The following DYSF variants were observed in gnomAD, a reference collection of about 807,000 sequenced individuals.
The protein encoded by DYSF is dystrophy-associated fer-1-like 1.
In DYSF, 212 loss-of-function variants were observed where a neutral mutation model predicts 274.9. The ratio of observed to expected loss-of-function variants is 0.77; its 90% CI spans 0.69 to 0.86. DYSF has a LOEUF of 0.86. Ranked by LOEUF, DYSF falls within the 40% of genes least tolerant of loss-of-function variation. The pLI is 0.00. For missense variants in DYSF, 2,666 were observed against 2,783.2 expected (o/e 0.96, Z 0.95); for synonymous variants, 1,091 against 1,078.7 (o/e 1.01, Z -0.22).
intron 41 of DYSF, among the ~76,000 whole-genome samples, chr2:71,635,908 A>G (rs2094395260): frequency 1.3e-5 from 2 of 152,108 alleles, no homozygotes; most frequent in East Asian, 1.9e-4. Flanking sequence ...CAAAGAGGGA[A>G]TAGGAATTCT....
At chr2:71,500,975 A>G (rs1323772615) in intron 3 of DYSF, among the ~76,000 whole-genome samples, 1 of 152,020 alleles carries the variant, frequency 6.6e-6, no homozygotes, top group East Asian at 1.9e-4. Flanking sequence ...TGCATCCTCT[A>G]TACCTACTGT....
At position 71,520,850 on chromosome 2, in the gene DYSF, C is replaced by T. The variant is rs1420737593; in HGVS notation, c.1095C>T (p.Ala365=). 1.2e-6 allele frequency: 2 copies of T among 1,614,122 alleles called. No individual in the cohort carries two copies. The highest frequency in any genetic ancestry group is 1.1e-5 in the South Asian group (1 of 91,070). ...LSDPDDFSAG[A]RGYLKTSLCV... ...ACCCTGATGACTTCTCTGCTGGGGC[C>T]AGAGGCTACCTGAAAACAAGCCTTT... Residue 365 remains alanine, a synonymous_variant, in exon 12 of 56, where the codon GCC becomes GCT. Transcript: ENST00000410020.
chr2:71,632,265 C>T (rs950780458), intron 41 of DYSF, among the ~76,000 whole-genome samples: 4 of 152,228 alleles, frequency 2.6e-5, no homozygotes, highest in Non-Finnish European at 5.9e-5. Flanking sequence ...TATTAACCCA[C>T]CTTTTGTCTT....
chr2:71,603,216 A>G (rs1158982949), intron 36 of DYSF, among the ~76,000 whole-genome samples: 1 of 152,206 alleles, frequency 6.6e-6, no homozygotes, highest in Non-Finnish European at 1.5e-5. Context: ...AGTGAGAAAC[A>G]TGGCTTTGGC....
intron 36 of DYSF, among the ~76,000 whole-genome samples, chr2:71,603,670 G>C (rs1311128472): frequency 6.6e-6 from 1 of 152,172 alleles, no homozygotes; most frequent in Non-Finnish European, 1.5e-5. Flanking sequence ...TGAGCTCGCT[G>C]TAATTGCGCC....
chr2:71,663,024 C>CGTGT lies in DYSF; in HGVS notation c.5004-1230_5004-1227dup, dbSNP rs757887151. Among the ~76,000 whole-genome samples the CGTGT allele has an allele frequency of 2.4e-3, 350 of 148,052 alleles. 4 individuals carry two copies. The highest frequency in any genetic ancestry group is 0.019 in the Admixed American group (261 of 13,728). On this transcript the variant is annotated intron_variant, in intron 45 of 55. Transcript: ENST00000410020. ...GTGTGTGTATATTTGTGTATGTTTA[C>CGTGT]GTGTGTGTGTGTGTGTGCGCGCACG...
At chr2:71,622,130 G>GTTTTTTTTTGTTTTTTTTTTT (rs1553390367) in intron 41 of DYSF, among the ~76,000 whole-genome samples, 5 of 97,004 alleles carry the variant, frequency 5.2e-5, no homozygotes, top group East Asian at 3.0e-4. Context: ...TGATTTCTTT[G>GTTTTTTTTTGTTTTTTTTTTT]TTTTTTTTTT....
chr2:71,508,315 A>C (rs761102797), intron 4 of DYSF, among the ~76,000 whole-genome samples: 2 of 152,154 alleles, frequency 1.3e-5, no homozygotes, highest in Non-Finnish European at 2.9e-5. Flanking sequence ...ACAGCCTTCC[A>C]AACGATGAAA....
intron 14 of DYSF, among the ~76,000 whole-genome samples, chr2:71,533,470 C>T (rs2088970141): frequency 6.6e-6 from 1 of 152,222 alleles, no homozygotes. Context: ...CTGCCTAGTA[C>T]TCCATTGTAC....
chr2:71,473,918 A>ATTTTTTT (rs10659171), intron 1 of DYSF, among the ~76,000 whole-genome samples: 4 of 83,816 alleles, frequency 4.8e-5, no homozygotes, highest in African/African-American at 2.3e-4. Flanking sequence ...TTTCTGTATG[A>ATTTTTTT]TTTTTTTTTT....
At chr2:71,577,457 C>T (rs1488410674) in intron 30 of DYSF, among the ~76,000 whole-genome samples, 2 of 151,798 alleles carry the variant, frequency 1.3e-5, no homozygotes, top group Non-Finnish European at 1.5e-5. Context: ...CCCTCACACA[C>T]ACCAACACAC....
intron 12 of DYSF, among the ~76,000 whole-genome samples, chr2:71,522,760 A>T (rs140179043): frequency 1.3e-5 from 2 of 151,632 alleles, no homozygotes; most frequent in Non-Finnish European, 2.9e-5. Flanking sequence ...TTTGCTGCCC[A>T]CTCCCCACAC....
intron 54 of DYSF, 100 bp downstream of exon 54, chr2:71,681,210 C>G: frequency 1.7e-6 from 2 of 1,152,162 alleles, no homozygotes; most frequent in Non-Finnish European, 2.6e-6. Flanking sequence ...AGTCACAAAG[C>G]CCACGTGGCT....
Position 71,679,187 on chromosome 2 carries a change from G to A in DYSF, c.6015G>A (p.Lys2005=). 2 of 1,614,098 alleles carry A rather than the reference G, an allele frequency of 1.2e-6. No individual in the cohort carries two copies. Among genetic ancestry groups the A allele is most frequent in the Non-Finnish European group, 1.7e-6 (2 of 1,179,980 alleles). The change falls in exon 53 of 56, where the codon AAG becomes AAA. Residue 2005 remains lysine, a synonymous_variant. Coordinates refer to ENST00000410020, the MANE Select transcript of DYSF (RefSeq NM_001130987.2). ...CCCTTTTTGAGCAGAAAACAGTGAA[G>A]GGCTGGTGGCCCTGTGTAGCAGAAG... ...FVSLFEQKTV[K]GWWPCVAEEG...
chr2:71,532,734 G>A (rs1377955532), intron 14 of DYSF, among the ~76,000 whole-genome samples: 1 of 146,970 alleles, frequency 6.8e-6, no homozygotes, highest in Non-Finnish European at 1.5e-5. Flanking sequence ...CAGGGACCTG[G>A]GGCACAGAGT....
intron 3 of DYSF, among the ~76,000 whole-genome samples, chr2:71,497,240 C>G (rs2084494003): frequency 6.6e-6 from 1 of 152,156 alleles, no homozygotes; most frequent in South Asian, 2.1e-4. Flanking sequence ...TATTCTTACT[C>G]AAATCAGCCT....
At chr2:71,634,107 C>G (rs1297924424) in intron 41 of DYSF, among the ~76,000 whole-genome samples, 2 of 152,166 alleles carry the variant, frequency 1.3e-5, no homozygotes, top group African/African-American at 4.8e-5. Flanking sequence ...GCTTCCAGTC[C>G]ATGCCTTGGT....
chr2:71,524,118 T>C (rs1300805420), intron 12 of DYSF, among the ~76,000 whole-genome samples: 1 of 152,180 alleles, frequency 6.6e-6, no homozygotes, highest in African/African-American at 2.4e-5. Context: ...TTCCCTCTCT[T>C]TGCCTACCAA....
At chr2:71,494,478 T>C (rs1178893892) in intron 3 of DYSF, among the ~76,000 whole-genome samples, 1 of 152,210 alleles carries the variant, frequency 6.6e-6, no homozygotes, top group Admixed American at 6.5e-5. Flanking sequence ...CAAGAAGATG[T>C]CCCCCTAAAC....
Sources: gnomAD v4.1 joint callset for allele counts (sites outside exome capture counted in the v4.1 genomes callset) on GRCh38, gnomAD v4.1.1 for gene constraint, MANE v1.5 for transcripts, NCBI Gene and HGNC (gene_info 2026-07-23, HGNC 2026-07-21) for gene names.